The following SDK1 variants were observed in gnomAD, a reference collection of about 807,000 sequenced individuals.
SDK1 encodes sidekick cell adhesion molecule 1, also known as protein sidekick-1.
SDK1 carries 157 observed loss-of-function variants against 245.5 expected under a neutral mutation model. The ratio of observed to expected loss-of-function variants is 0.64; its 90% CI spans 0.56 to 0.73. SDK1 has a LOEUF of 0.73. SDK1 is among the 30% of genes least tolerant of loss of function. The probability of loss-of-function intolerance (pLI) is 0.00; values close to 1 mark genes in which losing one functional copy is unlikely to be tolerated. For synonymous variants in SDK1, 1,647 were observed against 1,278.5 expected, an observed-to-expected ratio of 1.29 and a Z score of -6.15; for missense variants, 3,583 against 3,002.3, an observed-to-expected ratio of 1.19 and a Z score of -4.52.
intron 30 of SDK1, among the ~76,000 whole-genome samples, chr7:4,152,714 C>A (rs1335143018): frequency 2.0e-5 from 3 of 152,232 alleles, no homozygotes; most frequent in Admixed American, 1.3e-4. Flanking sequence ...ATATTTTGTA[C>A]ACTGCCACAG....
At chr7:3,769,514 A>T (rs549087350) in intron 4 of SDK1, among the ~76,000 whole-genome samples, 2 of 152,146 alleles carry the variant, frequency 1.3e-5, no homozygotes, top group Non-Finnish European at 2.9e-5. Flanking sequence ...TTATGATCCA[A>T]TTGCCCCTAA....
chr7:3,591,491 G>C (rs1266715038), intron 1 of SDK1, among the ~76,000 whole-genome samples: 3 of 152,248 alleles, frequency 2.0e-5, no homozygotes, highest in Non-Finnish European at 2.9e-5. Context: ...CGTTGTGAAA[G>C]TCATAAAATT....
intron 4 of SDK1, among the ~76,000 whole-genome samples, chr7:3,758,878 T>C (rs775325494): frequency 1.2e-4 from 18 of 152,238 alleles, no homozygotes; most frequent in Non-Finnish European, 1.9e-4. Flanking sequence ...TCTCTGTTCC[T>C]GTCTGTATCC....
chr7:4,061,219 A>G (rs1344091213), intron 19 of SDK1, among the ~76,000 whole-genome samples: 2 of 152,012 alleles, frequency 1.3e-5, no homozygotes, highest in Non-Finnish European at 2.9e-5. Flanking sequence ...TTGAATCTAT[A>G]AATTACCTTG....
intron 28 of SDK1, among the ~76,000 whole-genome samples, chr7:4,139,343 C>G (rs776849269): frequency 6.6e-6 from 1 of 151,930 alleles, no homozygotes; most frequent in Admixed American, 6.5e-5. Flanking sequence ...AAGCATCTAT[C>G]TATCTGTATG....
intron 1 of SDK1, among the ~76,000 whole-genome samples, chr7:3,509,244 C>T (rs1782498784): frequency 6.6e-6 from 1 of 152,108 alleles, no homozygotes; most frequent in Admixed American, 6.5e-5. Flanking sequence ...GTTACAGATG[C>T]TTGGGGAGGG....
At chr7:3,391,966 AATATATATATAT>A (rs55768106) in intron 1 of SDK1, among the ~76,000 whole-genome samples, 3 of 143,974 alleles carry the variant, frequency 2.1e-5, no homozygotes, top group Non-Finnish European at 4.5e-5. Flanking sequence ...TATATCATGT[AATATATATATAT>A]ATATATATAT....
intron 22 of SDK1, among the ~76,000 whole-genome samples, chr7:4,094,842 G>A (rs981749516): frequency 1.3e-5 from 2 of 152,180 alleles, no homozygotes; most frequent in Non-Finnish European, 2.9e-5. Context: ...GAGAGGCAGA[G>A]GCTTCAGGCA....
chr7:3,449,239 A>C (rs1367299434), intron 1 of SDK1, among the ~76,000 whole-genome samples: 1 of 152,150 alleles, frequency 6.6e-6, no homozygotes, highest in Non-Finnish European at 1.5e-5. Context: ...CTGAAGGCAA[A>C]TTGCCGATTT....
intron 8 of SDK1, among the ~76,000 whole-genome samples, chr7:3,961,374 A>G (rs879529284): frequency 6.6e-6 from 1 of 152,236 alleles, no homozygotes; most frequent in Non-Finnish European, 1.5e-5. Context: ...ATCTTGAGTT[A>G]TTCCATGGCA....
chr7:4,155,217 C>G (rs1366571928), intron 30 of SDK1, among the ~76,000 whole-genome samples: 5 of 152,080 alleles, frequency 3.3e-5, no homozygotes, highest in Admixed American at 2.6e-4. Flanking sequence ...TGGCTTCCAC[C>G]GAGAGGGTTA....
At position 4,083,252 on chromosome 7, in the gene SDK1, A is replaced by G. The variant is rs138251299; in HGVS notation, c.3324+3668A>G. On this transcript the variant is annotated intron_variant, in intron 22 of 44. Transcript: ENST00000404826. ...CCTCAAAGGTGTCCTTGCAGCCCCC[A>G]CTATCCCTCCCTACCAACCCTCCCC... 3.9e-3 allele frequency among the ~76,000 whole-genome samples: 588 copies of G among 151,984 alleles called. 3 individuals carry two copies. The highest frequency in any genetic ancestry group is 0.012 in the African/African-American group (479 of 41,422).
chr7:3,532,707 T>G (rs556286163), intron 1 of SDK1, among the ~76,000 whole-genome samples: 18 of 152,298 alleles, frequency 1.2e-4, no homozygotes, highest in Non-Finnish European at 2.2e-4. Context: ...GCCTCTCACT[T>G]TCTTACCTAT....
chr7:4,006,915 C>T (rs1020185177), intron 14 of SDK1, among the ~76,000 whole-genome samples: 18 of 152,182 alleles, frequency 1.2e-4, no homozygotes, highest in African/African-American at 4.1e-4. Context: ...GGGATGGGGC[C>T]GAGGGCGGGA....
chr7:4,221,142 C>A, intron 39 of SDK1, 97 bp from the exon 40 acceptor site: 2 of 1,452,920 alleles, frequency 1.4e-6, no homozygotes, highest in Non-Finnish European at 1.9e-6. Flanking sequence ...ACTCTGCAGC[C>A]TCGACCGGTC....
At chr7:3,401,600 G>T (rs1332409812) in intron 1 of SDK1, among the ~76,000 whole-genome samples, 4 of 152,088 alleles carry the variant, frequency 2.6e-5, no homozygotes, top group Non-Finnish European at 4.4e-5. Flanking sequence ...TGAGCCAGCC[G>T]TAGTTCACTG....
intron 1 of SDK1, among the ~76,000 whole-genome samples, chr7:3,474,558 C>G (rs751761763): frequency 6.6e-6 from 1 of 152,124 alleles, no homozygotes; most frequent in Non-Finnish European, 1.5e-5. Flanking sequence ...GTTTACCTCT[C>G]CCTCACACTT....
Position 4,012,189 on chromosome 7 carries a change from C to T in SDK1, c.2374C>T (p.Pro792Ser). 1 of 1,569,740 alleles carries T rather than the reference C, an allele frequency of 6.4e-7. No homozygotes were observed. The highest frequency in any genetic ancestry group is 8.6e-7 in the Non-Finnish European group (1 of 1,158,840). ...NQSIMVQWQP[P>S]PETEHNGVLR... ...GTCCATTATGGTCCAGTGGCAGCCA[C>T]CCCCAGAAACAGAGCACAACGGGGT... The change falls in exon 16 of 45, where the codon CCC becomes TCC. Residue 792 changes from proline (P) to serine (S), a missense_variant. Transcript: ENST00000404826.
At chr7:3,974,699 G>A (rs994088969) in intron 13 of SDK1, 154 bp downstream of exon 13, 5 of 613,714 alleles carry the variant, frequency 8.1e-6, no homozygotes, top group Non-Finnish European at 1.1e-5. Flanking sequence ...TACATATATG[G>A]ACAAGGTTTT....
Sources: allele counts gnomAD v4.1 joint callset (sites outside exome capture counted in the v4.1 genomes callset), GRCh38; gene constraint gnomAD v4.1.1; transcripts MANE v1.5; gene names NCBI Gene and HGNC (gene_info 2026-07-23, HGNC 2026-07-21).